Variants in LRIG1 observed in about 807,000 individuals in gnomAD.
LRIG1 encodes the protein leucine rich repeats and immunoglobulin like domains 1.
A neutral mutation model predicts 99.2 loss-of-function variants in LRIG1; 48 were observed. The ratio of observed to expected loss-of-function variants is 0.48; its 90% CI spans 0.38 to 0.62. The LOEUF is 0.62. Ranked by LOEUF, LRIG1 falls within the 20% of genes least tolerant of loss-of-function variation. The probability of loss-of-function intolerance (pLI) is 0.00; values close to 1 mark genes in which losing one functional copy is unlikely to be tolerated. For synonymous variants in LRIG1, 772 were observed against 596.1 expected (o/e 1.29, Z -4.30); for missense variants, 1,646 against 1,434.4 (o/e 1.15, Z -2.38).
At chr3:66,415,177 G>C (rs1702584297) in intron 4 of LRIG1, 114 bp from the exon 5 acceptor site, 1 of 1,063,600 alleles carries the variant, frequency 9.4e-7, no homozygotes, top group Non-Finnish European at 1.3e-6. Flanking sequence ...GACACCAGAG[G>C]GACAGGTTTC....
chr3:66,433,483 G>A (rs774174611), intron 3 of LRIG1, among the ~76,000 whole-genome samples: 2 of 152,212 alleles, frequency 1.3e-5, no homozygotes, highest in Non-Finnish European at 2.9e-5. Context: ...GCAGTTCCAG[G>A]CAAAGGAGGA....
At chr3:66,433,238 G>A (rs1703238403) in intron 3 of LRIG1, among the ~76,000 whole-genome samples, 1 of 152,224 alleles carries the variant, frequency 6.6e-6, no homozygotes, top group Admixed American at 6.5e-5. Flanking sequence ...CTGGTATGAA[G>A]TCACCCAGCT....
chr3:66,476,155 T>A (rs530790590), intron 1 of LRIG1, among the ~76,000 whole-genome samples: 1 of 152,184 alleles, frequency 6.6e-6, no homozygotes, highest in African/African-American at 2.4e-5. Context: ...TTCCTTCCCA[T>A]GGCAAGCATG....
chr3:66,463,479 C>A (rs924371720), intron 1 of LRIG1, among the ~76,000 whole-genome samples: 4 of 152,216 alleles, frequency 2.6e-5, no homozygotes, highest in African/African-American at 9.7e-5. Flanking sequence ...CAGCCATACC[C>A]TTAGAGGCGG....
At chr3:66,397,841 T>G (rs1701914848) in intron 11 of LRIG1, among the ~76,000 whole-genome samples, 1 of 152,230 alleles carries the variant, frequency 6.6e-6, no homozygotes, top group South Asian at 2.1e-4. Context: ...AGAATAGTGG[T>G]TAGCAAGCTT....
At chr3:66,392,603 G>A (rs1522912) in intron 12 of LRIG1, among the ~76,000 whole-genome samples, 2 of 147,614 alleles carry the variant, frequency 1.4e-5, no homozygotes, top group Non-Finnish European at 3.0e-5. Flanking sequence ...CGTTTTTAGA[G>A]GGGGGGAAGC....
rs1340390776 is a variant in LRIG1 at position 66,462,419 on chromosome 3, G to T, written c.290+19C>A. 6.3e-7 allele frequency: 1 copy of T among 1,594,830 alleles called. No homozygotes were observed. The highest frequency in any genetic ancestry group is 8.6e-7 in the Non-Finnish European group (1 of 1,163,972). On this transcript the variant is annotated intron_variant, in intron 2 of 18. Coordinates refer to ENST00000273261, the MANE Select transcript of LRIG1 (RefSeq NM_015541.3). ...GCTCTCCATCCTTCCATCCACCAGA[G>T]GTTTAGGGGGAGACTCACACTTCCT...
At chr3:66,495,159 G>T (rs140844385) in intron 1 of LRIG1, among the ~76,000 whole-genome samples, 1 of 152,298 alleles carries the variant, frequency 6.6e-6, no homozygotes, top group Non-Finnish European at 1.5e-5. Flanking sequence ...ATGAACCCTA[G>T]TGGCTCAGTG....
rs1443272447 is a variant in LRIG1 at position 66,379,975 on chromosome 3, TTC to T, written c.*286_*287del. 3.5e-5 allele frequency: 8 copies of T among 231,692 alleles called. No individual in the cohort carries two copies. Among genetic ancestry groups the T allele is most frequent in the South Asian group, 3.0e-4 (2 of 6,690 alleles). 14.4% of individuals were successfully genotyped at this position (231,692 alleles called of 1,614,324 possible). ...ATATTGTCAAAATTGTATAATTTTT[TTC>T]TGTTAACCATGCACTAAAGATTAAA... is the stretch of plus-strand genomic sequence containing the variant. On this transcript the variant is annotated 3_prime_UTR_variant, in exon 19 of 19. Coordinates refer to ENST00000273261, the MANE Select transcript of LRIG1 (RefSeq NM_015541.3).
At chr3:66,427,236 C>G (rs1703012861) in intron 3 of LRIG1, among the ~76,000 whole-genome samples, 1 of 152,230 alleles carries the variant, frequency 6.6e-6, no homozygotes, top group Admixed American at 6.5e-5. Flanking sequence ...CACCCACATA[C>G]AGCACGCACT....
intron 1 of LRIG1, among the ~76,000 whole-genome samples, chr3:66,496,615 A>G (rs1475027993): frequency 6.6e-6 from 1 of 152,224 alleles, no homozygotes; most frequent in East Asian, 1.9e-4. Context: ...AATGCTCCCT[A>G]TTCCAAACAA....
intron 3 of LRIG1, among the ~76,000 whole-genome samples, chr3:66,431,467 G>T (rs1703169788): frequency 6.6e-6 from 1 of 152,168 alleles, no homozygotes; most frequent in Non-Finnish European, 1.5e-5. Context: ...TGCCATGCAT[G>T]GTTTTCTTCC....
In LRIG1 at chr3:66,383,168, G is replaced by C; in HGVS notation, c.2305C>G (p.Leu769Val). The C allele has an allele frequency of 1.2e-6, 2 of 1,614,244 alleles. No homozygotes were observed. Among genetic ancestry groups the C allele is most frequent in the South Asian group, 1.1e-5 (1 of 91,090 alleles). The change falls in exon 15 of 19, where the codon CTG becomes GTG. Residue 769 changes from leucine to valine, a missense_variant. Transcript: ENST00000273261. ...TGGCTGTGAGCTCGCTCCGTGCCCA[G>C]GGTGTTGGACATCTCACAGGTATAT... ...GRYTCEMSNT[L>V]GTERAHSQLS...
At chr3:66,445,703 A>G (rs1703693582) in intron 3 of LRIG1, among the ~76,000 whole-genome samples, 1 of 152,232 alleles carries the variant, frequency 6.6e-6, no homozygotes, top group Non-Finnish European at 1.5e-5. Context: ...ATGCCAGTGA[A>G]GGATGCCTTT....
chr3:66,400,749 T>C (rs545581297), intron 9 of LRIG1, among the ~76,000 whole-genome samples: 30 of 152,166 alleles, frequency 2.0e-4, no homozygotes, highest in Non-Finnish European at 3.5e-4. Context: ...AAAGGAAATA[T>C]AAGCCCTGAA....
At chr3:66,423,265 T>C (rs1702876279) in intron 3 of LRIG1, among the ~76,000 whole-genome samples, 1 of 152,210 alleles carries the variant, frequency 6.6e-6, no homozygotes, top group African/African-American at 2.4e-5. Flanking sequence ...ATGTGTACTT[T>C]ACCACAATTT....
At chr3:66,441,081 G>C (rs1216646293) in intron 3 of LRIG1, among the ~76,000 whole-genome samples, 1 of 152,174 alleles carries the variant, frequency 6.6e-6, no homozygotes, top group African/African-American at 2.4e-5. Context: ...AGGAAAAAAA[G>C]TATCAGAGCC....
At chr3:66,459,287 C>G (rs1204826458) in intron 2 of LRIG1, among the ~76,000 whole-genome samples, 2 of 152,174 alleles carry the variant, frequency 1.3e-5, no homozygotes, top group South Asian at 4.1e-4. Context: ...AAAAGCCTGT[C>G]TAGGCAAGGA....
intron 2 of LRIG1, among the ~76,000 whole-genome samples, chr3:66,453,131 A>G (rs1703960841): frequency 6.6e-6 from 1 of 152,200 alleles, no homozygotes; most frequent in South Asian, 2.1e-4. Context: ...TTTTCATAGT[A>G]CCCATCAACG....
Sources: gnomAD v4.1 joint callset for allele counts (sites outside exome capture counted in the v4.1 genomes callset) on GRCh38, gnomAD v4.1.1 for gene constraint, MANE v1.5 for transcripts, NCBI Gene and HGNC (gene_info 2026-07-23, HGNC 2026-07-21) for gene names.